ADGRA3: variants seen among roughly 807,000 people sequenced by gnomAD.
ADGRA3 encodes the protein adhesion G protein-coupled receptor A3.
In ADGRA3, 56 loss-of-function variants were observed where a neutral mutation model predicts 119.8. That is an observed-to-expected ratio of 0.47 (90% CI 0.38 to 0.58). ADGRA3 has a LOEUF of 0.58. Among genes scored for constraint, ADGRA3 ranks in the 20% least tolerant of loss-of-function variants. ADGRA3 has a pLI of 0.00. For synonymous variants in ADGRA3, 607 were observed against 623.8 expected (o/e 0.97, Z 0.40); for missense variants, 1,516 against 1,649.0 (o/e 0.92, Z 1.40).
At chr4:22,453,758 C>G (rs548234030) in intron 4 of ADGRA3, among the ~76,000 whole-genome samples, 2 of 152,280 alleles carry the variant, frequency 1.3e-5, no homozygotes, top group Admixed American at 1.3e-4. Flanking sequence ...CAGTTCTAAG[C>G]CCCTATCTGC....
intron 1 of ADGRA3, among the ~76,000 whole-genome samples, chr4:22,507,359 C>T (rs1719278650): frequency 6.6e-6 from 1 of 152,144 alleles, no homozygotes; most frequent in Non-Finnish European, 1.5e-5. Flanking sequence ...GTTAAGATTC[C>T]TCCAGAGCAT....
chr4:22,502,825 C>T (rs541818660), intron 1 of ADGRA3, among the ~76,000 whole-genome samples: 47 of 145,822 alleles, frequency 3.2e-4, no homozygotes, highest in African/African-American at 1.1e-3. Flanking sequence ...TGAAGAGTCT[C>T]AAGTTTATCC....
At chr4:22,415,770 A>G (rs1715401898) in intron 12 of ADGRA3, among the ~76,000 whole-genome samples, 1 of 152,196 alleles carries the variant, frequency 6.6e-6, no homozygotes, top group Non-Finnish European at 1.5e-5. Context: ...AAAATAGGGA[A>G]TAACATCTAT....
In ADGRA3 at chr4:22,438,389, A is replaced by C. The variant is rs750665555; in HGVS notation, c.952T>G (p.Ser318Ala). The C allele has an allele frequency of 6.8e-6, 11 of 1,613,898 alleles. No individual in the cohort carries two copies. The highest frequency in any genetic ancestry group is 9.3e-6 in the Non-Finnish European group (11 of 1,179,868). ...ALTISNIQAG[S>A]TGNWGCHVQT... ...ACATGACAGCCCCAATTTCCAGTAG[A>C]TCCAGCCTGAATATTAGAAATGGTT... The change falls in exon 8 of 19, where the codon TCT becomes GCT. Residue 318 changes from serine (S) to alanine (A), a missense_variant. Physicochemically the swap from Ser to Ala is moderately conservative, Grantham distance 99 (BLOSUM62 1). Transcript: ENST00000334304.
chr4:22,451,606 TTTTC>T (rs1717043317), intron 4 of ADGRA3, among the ~76,000 whole-genome samples: 1 of 151,270 alleles, frequency 6.6e-6, no homozygotes, highest in African/African-American at 2.4e-5. Context: ...AAGGGTTGTT[TTTTC>T]TAAAAAAAAA....
At chr4:22,439,843 G>T (rs1463000) in intron 7 of ADGRA3, among the ~76,000 whole-genome samples, 121,101 of 152,046 alleles carry the variant, frequency 0.8, 49,090 homozygotes, top group Non-Finnish European at 0.87. Context: ...TAGTAACTTT[G>T]TCATGGTGCC....
intron 1 of ADGRA3, among the ~76,000 whole-genome samples, chr4:22,498,579 C>T (rs1357790626): frequency 1.3e-5 from 2 of 151,834 alleles, no homozygotes; most frequent in African/African-American, 4.8e-5. Context: ...GATTGTGCCA[C>T]TGCAATCCAG....
intron 1 of ADGRA3, among the ~76,000 whole-genome samples, chr4:22,512,793 G>A (rs1331214157): frequency 6.6e-6 from 1 of 152,152 alleles, no homozygotes. Flanking sequence ...CCAGAACTAT[G>A]AGCGAATAAA....
At position 22,513,668 on chromosome 4, in the gene ADGRA3, C is replaced by A. The variant is rs6854702; in HGVS notation, c.257+1860G>T. On this transcript the variant is annotated intron_variant, in intron 1 of 18. Transcript: ENST00000334304. ...CTGGAATGACAGGCATACGCCACTA[C>A]GCCTGGCTAATTTTTGTATTTTTAG... 9.9e-3 allele frequency among the ~76,000 whole-genome samples: 1,494 copies of A among 151,610 alleles called. 23 individuals are homozygous for A. Among genetic ancestry groups the A allele is most frequent in the African/African-American group, 0.031 (1,279 of 41,292 alleles).
At chr4:22,458,737 A>G (rs374595480) in intron 3 of ADGRA3, among the ~76,000 whole-genome samples, 30 of 152,228 alleles carry the variant, frequency 2.0e-4, no homozygotes, top group African/African-American at 7.0e-4. Context: ...TATAATGCTT[A>G]CCTTCCTTAC....
chr4:22,435,489 A>G (rs1378259473), intron 9 of ADGRA3, 23 bp from the exon 10 acceptor site: 3 of 1,568,488 alleles, frequency 1.9e-6, no homozygotes, highest in African/African-American at 1.3e-5. Context: ...GGCAAAAATG[A>G]TCAACAAAAC....
intron 4 of ADGRA3, among the ~76,000 whole-genome samples, chr4:22,450,167 G>T (rs1716982265): frequency 6.6e-6 from 1 of 151,932 alleles, no homozygotes; most frequent in South Asian, 2.1e-4. Flanking sequence ...CTAAGAGGGA[G>T]TTGAGAATGA....
intron 2 of ADGRA3, among the ~76,000 whole-genome samples, chr4:22,464,753 G>A (rs765761918): frequency 1.1e-4 from 16 of 152,192 alleles, no homozygotes; most frequent in Non-Finnish European, 1.5e-4. Flanking sequence ...AATGAAAACA[G>A]GATATCCCAG....
chr4:22,479,226 G>A (rs1718162144), intron 1 of ADGRA3, among the ~76,000 whole-genome samples: 2 of 152,152 alleles, frequency 1.3e-5, no homozygotes, highest in Non-Finnish European at 2.9e-5. Context: ...CACTTTGGGA[G>A]GCCGAGGCGG....
At chr4:22,512,837 C>T (rs945395527) in intron 1 of ADGRA3, among the ~76,000 whole-genome samples, 2 of 152,188 alleles carry the variant, frequency 1.3e-5, no homozygotes, top group Non-Finnish European at 2.9e-5. Flanking sequence ...CTGTAGTAAT[C>T]TGCAGCAGCC....
intron 14 of ADGRA3, among the ~76,000 whole-genome samples, chr4:22,407,081 C>T (rs1380139423): frequency 2.0e-5 from 3 of 152,078 alleles, no homozygotes; most frequent in Non-Finnish European, 4.4e-5. Context: ...ACCATCCTAG[C>T]TAACACAGTG....
intron 1 of ADGRA3, among the ~76,000 whole-genome samples, chr4:22,485,488 A>C (rs1489845506): frequency 6.6e-6 from 1 of 152,084 alleles, no homozygotes; most frequent in African/African-American, 2.4e-5. Context: ...ACTATGAATT[A>C]GAATTTTCCT....
intron 7 of ADGRA3, among the ~76,000 whole-genome samples, chr4:22,438,676 G>A (rs1048977327): frequency 3.9e-5 from 6 of 152,100 alleles, no homozygotes; most frequent in Non-Finnish European, 8.8e-5. Flanking sequence ...GCTATACGAC[G>A]CATGAGAATT....
intron 2 of ADGRA3, among the ~76,000 whole-genome samples, chr4:22,463,666 A>G (rs911139128): frequency 6.6e-6 from 1 of 152,220 alleles, no homozygotes; most frequent in Non-Finnish European, 1.5e-5. Flanking sequence ...GGCATGCCTC[A>G]TAACATGTGA....
Sources: gnomAD v4.1 joint callset for allele counts (sites outside exome capture counted in the v4.1 genomes callset) on GRCh38, gnomAD v4.1.1 for gene constraint, MANE v1.5 for transcripts, NCBI Gene and HGNC (gene_info 2026-07-23, HGNC 2026-07-21) for gene names.